AGBL1: variants seen among roughly 807,000 people sequenced by gnomAD.
AGBL1 encodes the protein cytosolic carboxypeptidase 4.
Under a neutral mutation model 118.9 loss-of-function variants are expected in AGBL1, and 130 were observed. The observed-to-expected ratio is 1.09, with a 90% CI of 0.95 to 1.26. AGBL1 has a LOEUF of 1.26. AGBL1 is among the 50% of genes most tolerant of loss of function. AGBL1 has a pLI of 0.00. For missense variants in AGBL1, 1,584 were observed against 1,298.1 expected (o/e 1.22, Z -3.38); for synonymous variants, 555 against 478.9 (o/e 1.16, Z -2.08).
At chr15:86,192,845 T>C (rs2077744576) in intron 5 of AGBL1, among the ~76,000 whole-genome samples, 2 of 152,150 alleles carry the variant, frequency 1.3e-5, no homozygotes, top group Admixed American at 1.3e-4. Flanking sequence ...GTTATAAAAC[T>C]TTGTATAGTA....
At chr15:86,486,968 G>A (rs780144270) in intron 18 of AGBL1, among the ~76,000 whole-genome samples, 3 of 151,950 alleles carry the variant, frequency 2.0e-5, no homozygotes, top group African/African-American at 7.3e-5. Context: ...TCTGTAACCC[G>A]CTGGATGCTT....
At chr15:86,586,336 T>C (rs2084247459) in intron 21 of AGBL1, among the ~76,000 whole-genome samples, 1 of 152,188 alleles carries the variant, frequency 6.6e-6, no homozygotes, top group African/African-American at 2.4e-5. Context: ...GTGGCTTTTA[T>C]AATAAATCGT....
intron 21 of AGBL1, among the ~76,000 whole-genome samples, chr15:86,555,573 G>A (rs188325999): frequency 2.0e-5 from 3 of 152,124 alleles, no homozygotes; most frequent in Non-Finnish European, 1.5e-5. Context: ...TCAAATAATT[G>A]TTTTGTTACT....
chr15:86,600,456 G>A (rs1261609911), intron 21 of AGBL1, among the ~76,000 whole-genome samples: 7 of 152,194 alleles, frequency 4.6e-5, no homozygotes, highest in South Asian at 2.1e-4. Flanking sequence ...AGGACTATAC[G>A]GGATGTGGTT....
intron 18 of AGBL1, among the ~76,000 whole-genome samples, chr15:86,505,615 G>T (rs2082966938): frequency 6.6e-6 from 1 of 151,818 alleles, no homozygotes; most frequent in Admixed American, 6.6e-5. Flanking sequence ...TGATTATTTT[G>T]TAAAATTTTT....
intron 24 of AGBL1, among the ~76,000 whole-genome samples, chr15:87,026,619 C>A (rs954788301): frequency 2.0e-5 from 3 of 152,100 alleles, no homozygotes; most frequent in African/African-American, 7.2e-5. Context: ...GAAGAGCTAT[C>A]ATTTGATCCA....
chr15:86,119,155 CAACTT>C (rs1269508954), intron 1 of AGBL1, among the ~76,000 whole-genome samples: 2 of 152,192 alleles, frequency 1.3e-5, no homozygotes, highest in African/African-American at 4.8e-5. Flanking sequence ...TCAACCAACT[CAACTT>C]AAACCACACT....
At chr15:86,275,288 G>T (rs1218235576) in intron 15 of AGBL1, among the ~76,000 whole-genome samples, 1 of 152,166 alleles carries the variant, frequency 6.6e-6, no homozygotes, top group Non-Finnish European at 1.5e-5. Flanking sequence ...CACTCATGAA[G>T]ATGAATGTCA....
chr15:86,230,528 C>G (rs1419781226), intron 6 of AGBL1, among the ~76,000 whole-genome samples: 1 of 152,192 alleles, frequency 6.6e-6, no homozygotes. Context: ...TGCCTGTGGT[C>G]TGCCCTCCTG....
chr15:86,235,206 T>A (rs2055414608), intron 6 of AGBL1, among the ~76,000 whole-genome samples: 1 of 152,242 alleles, frequency 6.6e-6, no homozygotes, highest in South Asian at 2.1e-4. Flanking sequence ...TTTCTTAAGC[T>A]ATTCTTCTTA....
At chr15:86,808,883 A>AT (rs1456971683) in intron 22 of AGBL1, among the ~76,000 whole-genome samples, 1 of 151,594 alleles carries the variant, frequency 6.6e-6, no homozygotes, top group Non-Finnish European at 1.5e-5. Context: ...TTATGGATGG[A>AT]TTTTCTCTTT....
intron 20 of AGBL1, among the ~76,000 whole-genome samples, chr15:86,547,565 A>G (rs530732445): frequency 2.6e-4 from 40 of 152,276 alleles, no homozygotes; most frequent in African/African-American, 9.4e-4. Flanking sequence ...TTAATTAATA[A>G]ATTCAAAACA....
chr15:86,201,451 T>C (rs2077905843), intron 5 of AGBL1, among the ~76,000 whole-genome samples: 2 of 152,230 alleles, frequency 1.3e-5, no homozygotes, highest in Admixed American at 6.5e-5. Flanking sequence ...CTGAGACATT[T>C]GAAGGCAGAG....
chr15:86,632,271 C>CT (rs1453797614), intron 21 of AGBL1, among the ~76,000 whole-genome samples: 2 of 79,256 alleles, frequency 2.5e-5, no homozygotes, highest in African/African-American at 9.8e-5. Context: ...CTGTCTTTCT[C>CT]TTTAAAAAAA....
chr15:86,581,952 A>G (rs1043640934), intron 21 of AGBL1, among the ~76,000 whole-genome samples: 2 of 152,188 alleles, frequency 1.3e-5, no homozygotes, highest in Non-Finnish European at 2.9e-5. Flanking sequence ...TAAAAGTATT[A>G]CTGAAGCAAG....
chr15:86,369,430 TTTGA>T (rs2080938472), intron 17 of AGBL1, among the ~76,000 whole-genome samples: 1 of 152,092 alleles, frequency 6.6e-6, no homozygotes, highest in Non-Finnish European at 1.5e-5. Context: ...AAATCTATAA[TTTGA>T]TTGACACTAA....
At chr15:86,865,642 C>A (rs1395367911) in intron 22 of AGBL1, among the ~76,000 whole-genome samples, 1 of 152,184 alleles carries the variant, frequency 6.6e-6, no homozygotes, top group African/African-American at 2.4e-5. Context: ...CTAATCGTTC[C>A]ATTTTCTTCC....
At chr15:86,430,540 G>C (rs369682857) in intron 18 of AGBL1, among the ~76,000 whole-genome samples, 1 of 150,934 alleles carries the variant, frequency 6.6e-6, no homozygotes, top group Admixed American at 6.6e-5. Flanking sequence ...CCAAGTGCTA[G>C]ACACTATTCT....
intron 9 of AGBL1, 100 bp downstream of exon 9, chr15:86,258,131 G>A: frequency 7.9e-7 from 1 of 1,264,406 alleles, no homozygotes; most frequent in Non-Finnish European, 1.1e-6. Flanking sequence ...TAAATTTTAA[G>A]AACTGACTTT....
Sources: allele counts gnomAD v4.1 joint callset (sites outside exome capture counted in the v4.1 genomes callset), GRCh38; gene constraint gnomAD v4.1.1; transcripts MANE v1.5; gene names NCBI Gene and HGNC (gene_info 2026-07-23, HGNC 2026-07-21).